AFF3: variants seen among roughly 807,000 people sequenced by gnomAD.
AFF3 encodes the protein ALF transcription elongation factor 3.
AFF3 carries 32 observed loss-of-function variants against 129.7 expected under a neutral mutation model. The observed-to-expected ratio is 0.25, with a 90% CI of 0.19 to 0.33. The LOEUF (loss-of-function observed/expected upper bound fraction) is 0.33, where lower values mean the gene tolerates loss of function less well. Among genes scored for constraint, AFF3 ranks in the 10% least tolerant of loss-of-function variants. The probability of loss-of-function intolerance (pLI) is 1.00; values close to 1 mark genes in which losing one functional copy is unlikely to be tolerated. For synonymous variants in AFF3, 644 were observed against 635.4 expected (o/e 1.01, Z -0.20); for missense variants, 1,373 against 1,592.0 (o/e 0.86, Z 2.34).
intron 7 of AFF3, among the ~76,000 whole-genome samples, chr2:99,886,103 T>C (rs1286752907): frequency 6.6e-6 from 1 of 152,198 alleles, no homozygotes; most frequent in Admixed American, 6.5e-5. Context: ...TGCCCCAAAA[T>C]GCATTTAAAA....
intron 8 of AFF3, among the ~76,000 whole-genome samples, chr2:99,794,622 T>G (rs1210846489): frequency 6.6e-6 from 1 of 152,170 alleles, no homozygotes; most frequent in African/African-American, 2.4e-5. Flanking sequence ...TATGTAGATT[T>G]CTGGAACTCT....
intron 8 of AFF3, among the ~76,000 whole-genome samples, chr2:99,787,988 T>C (rs1358318469): frequency 6.6e-6 from 1 of 152,228 alleles, no homozygotes; most frequent in Non-Finnish European, 1.5e-5. Flanking sequence ...AAGATTATAA[T>C]GGAGCTGACG....
chr2:99,567,720 C>T (rs1361817574), intron 19 of AFF3, among the ~76,000 whole-genome samples: 1 of 152,120 alleles, frequency 6.6e-6, no homozygotes, highest in Non-Finnish European at 1.5e-5. Flanking sequence ...GCTTAGAGGT[C>T]AGTAGGGGAC....
At chr2:99,874,687 G>A (rs992350624) in intron 7 of AFF3, among the ~76,000 whole-genome samples, 4 of 152,110 alleles carry the variant, frequency 2.6e-5, no homozygotes, top group African/African-American at 9.7e-5. Flanking sequence ...TTGGGGCATG[G>A]GAAGAGCTAC....
intron 4 of AFF3, among the ~76,000 whole-genome samples, chr2:100,058,896 T>C (rs1687015186): frequency 6.6e-6 from 1 of 152,158 alleles, no homozygotes; most frequent in South Asian, 2.1e-4. Context: ...AAGGGACTTG[T>C]ACCTGAAATA....
At chr2:99,801,216 G>A (rs571648743) in intron 8 of AFF3, among the ~76,000 whole-genome samples, 3 of 152,226 alleles carry the variant, frequency 2.0e-5, no homozygotes, top group South Asian at 4.1e-4. Flanking sequence ...CTTCATACAT[G>A]TAATACTTTC....
intron 4 of AFF3, among the ~76,000 whole-genome samples, chr2:100,088,986 T>A (rs561914044): frequency 1.3e-5 from 2 of 152,152 alleles, no homozygotes; most frequent in South Asian, 4.1e-4. Flanking sequence ...CAAACACAAA[T>A]AGAAAGAAGC....
intron 7 of AFF3, among the ~76,000 whole-genome samples, chr2:99,898,864 C>T (rs780100412): frequency 1.3e-5 from 2 of 152,322 alleles, no homozygotes; most frequent in East Asian, 1.9e-4. Flanking sequence ...CTTTGGCCAA[C>T]GCTGACTCCC....
intron 12 of AFF3, among the ~76,000 whole-genome samples, chr2:99,668,447 G>A (rs1686870639): frequency 6.6e-6 from 1 of 152,008 alleles, no homozygotes; most frequent in Non-Finnish European, 1.5e-5. Context: ...TGGGATTACA[G>A]GCATGAGCCA....
intron 3 of AFF3, chr2:100,105,231 G>A (rs907757007): frequency 2.4e-5 from 23 of 970,654 alleles, no homozygotes; most frequent in Non-Finnish European, 2.9e-5. Flanking sequence ...ACCCTGCTGG[G>A]CGCTCCCGCG....
At chr2:99,565,450 C>A in intron 20 of AFF3, 37 bp downstream of exon 20, 2 of 1,606,016 alleles carry the variant, frequency 1.2e-6, no homozygotes, top group Middle Eastern at 3.3e-4. Flanking sequence ...ACATTCCTCA[C>A]TCCTCCCCTC....
chr2:99,951,761 T>G (rs1676189292), intron 7 of AFF3, among the ~76,000 whole-genome samples: 1 of 152,204 alleles, frequency 6.6e-6, no homozygotes, highest in African/African-American at 2.4e-5. Flanking sequence ...TTCTCCTGCC[T>G]CAGCCTCCCG....
At chr2:99,963,951 TA>T (rs973185992) in intron 7 of AFF3, among the ~76,000 whole-genome samples, 16 of 151,012 alleles carry the variant, frequency 1.1e-4, no homozygotes, top group African/African-American at 2.9e-4. Context: ...TACAAACAAA[TA>T]AAAAAAGGCA....
At chr2:99,815,522 T>G (rs1471972842) in intron 8 of AFF3, among the ~76,000 whole-genome samples, 2 of 152,246 alleles carry the variant, frequency 1.3e-5, no homozygotes, top group African/African-American at 4.8e-5. Flanking sequence ...CTGATGCTCT[T>G]ATTTTCTTTG....
At chr2:99,777,848 G>A (rs1007247411) in intron 8 of AFF3, among the ~76,000 whole-genome samples, 5 of 145,906 alleles carry the variant, frequency 3.4e-5, no homozygotes, top group East Asian at 2.1e-4. Flanking sequence ...GAGCAGATGC[G>A]CCACAGGCTG....
intron 24 of AFF3, among the ~76,000 whole-genome samples, chr2:99,552,641 C>T (rs1424305077): frequency 1.3e-5 from 2 of 152,074 alleles, no homozygotes; most frequent in Non-Finnish European, 2.9e-5. Context: ...CTTGCTGGGG[C>T]AGGGATGGGG....
intron 10 of AFF3, among the ~76,000 whole-genome samples, chr2:99,740,568 G>A (rs1680639597): frequency 6.6e-6 from 1 of 150,630 alleles, no homozygotes; most frequent in South Asian, 2.1e-4. Flanking sequence ...GGCCAGTGAT[G>A]GTGAGCATTT....
chr2:99,659,861 C>T (rs1309034594), intron 12 of AFF3, among the ~76,000 whole-genome samples: 2 of 152,262 alleles, frequency 1.3e-5, no homozygotes, highest in Non-Finnish European at 2.9e-5. Flanking sequence ...ACCGCTGCTT[C>T]GTGGTCCAAT....
chr2:99,746,512 G>T (rs992653369), intron 9 of AFF3, among the ~76,000 whole-genome samples: 1 of 152,180 alleles, frequency 6.6e-6, no homozygotes, highest in Non-Finnish European at 1.5e-5. Flanking sequence ...ATATGCAGAT[G>T]CCTAATAAAC....
Sources: allele counts gnomAD v4.1 joint callset (sites outside exome capture counted in the v4.1 genomes callset), GRCh38; gene constraint gnomAD v4.1.1; transcripts MANE v1.5; gene names NCBI Gene and HGNC (gene_info 2026-07-23, HGNC 2026-07-21).